The following EYS variants were observed in gnomAD, a reference collection of about 807,000 sequenced individuals.
EYS encodes the protein EGF-like photoreceptor maintenance factor.
A neutral mutation model predicts 282.1 loss-of-function variants in EYS; 250 were observed. That is an observed-to-expected ratio of 0.89 (90% CI 0.80 to 0.98). EYS has a LOEUF of 0.98. EYS is among the 50% of genes least tolerant of loss of function. EYS has a pLI of 0.00. For missense variants in EYS, 4,016 were observed against 3,709.0 expected (o/e 1.08, Z -2.15); for synonymous variants, 1,355 against 1,282.9 (o/e 1.06, Z -1.20).
intron 33 of EYS, among the ~76,000 whole-genome samples, chr6:64,064,718 C>A (rs1042825774): frequency 6.6e-6 from 1 of 152,074 alleles, no homozygotes; most frequent in South Asian, 2.1e-4. Flanking sequence ...AGAAGAAAAT[C>A]ATTTCTCTAA....
chr6:64,254,882 A>C (rs1555226), intron 30 of EYS, among the ~76,000 whole-genome samples: 104,452 of 151,892 alleles, frequency 0.69, 35,938 homozygotes, highest in South Asian at 0.71. Flanking sequence ...ATGAAATTAC[A>C]TATAGAAGCA....
intron 36 of EYS, among the ~76,000 whole-genome samples, chr6:63,847,325 T>G (rs1366664831): frequency 1.3e-5 from 2 of 152,204 alleles, no homozygotes; most frequent in African/African-American, 4.8e-5. Flanking sequence ...TAGGTACACA[T>G]GAAGTCAGAA....
intron 1 of EYS, among the ~76,000 whole-genome samples, chr6:65,689,532 A>G (rs993286906): frequency 6.7e-6 from 1 of 150,004 alleles, no homozygotes; most frequent in Non-Finnish European, 1.5e-5. Context: ...AATAAAAAAA[A>G]TTATGTGTAA....
chr6:65,178,600 A>T (rs987816611), intron 12 of EYS, among the ~76,000 whole-genome samples: 1 of 152,038 alleles, frequency 6.6e-6, no homozygotes, highest in Non-Finnish European at 1.5e-5. Context: ...AGACTCCCAC[A>T]CATTAATAGT....
At position 65,158,027 on chromosome 6, in the gene EYS, C is replaced by T. The variant is rs139109266; in HGVS notation, c.2024-100300G>A. Among the ~76,000 whole-genome samples the T allele has an allele frequency of 2.1e-3, 313 of 150,876 alleles. 2 individuals are homozygous for T. The highest frequency in any genetic ancestry group is 6.9e-3 in the African/African-American group (286 of 41,392). ...AAAGTAAATAAATCTTTTGTAATAT[C>T]ATACCAACCTTATAAATTGCTTTAA... On this transcript the variant is annotated intron_variant, in intron 12 of 42. Coordinates refer to ENST00000503581, the MANE Select transcript of EYS (RefSeq NM_001142800.2).
chr6:64,538,008 G>T (rs551592349), intron 26 of EYS, among the ~76,000 whole-genome samples: 3 of 152,258 alleles, frequency 2.0e-5, no homozygotes, highest in East Asian at 3.9e-4. Flanking sequence ...TTTAATAAGT[G>T]TCAGGTCTAT....
intron 18 of EYS, among the ~76,000 whole-genome samples, chr6:64,898,742 T>C (rs1562249085): frequency 6.8e-6 from 1 of 147,604 alleles, no homozygotes; most frequent in African/African-American, 2.5e-5. Flanking sequence ...AAGCTCAAAA[T>C]AAAGGGATGG....
chr6:64,045,184 C>A (rs947825525), intron 33 of EYS, among the ~76,000 whole-genome samples: 2 of 151,990 alleles, frequency 1.3e-5, no homozygotes, highest in Admixed American at 1.3e-4. Flanking sequence ...TGGCTACAGG[C>A]ACTTGCCATC....
intron 12 of EYS, among the ~76,000 whole-genome samples, chr6:65,114,962 T>C (rs1775325839): frequency 6.6e-6 from 1 of 152,030 alleles, no homozygotes; most frequent in African/African-American, 2.4e-5. Flanking sequence ...AAAGTTCATG[T>C]TATCTTTTAC....
intron 33 of EYS, among the ~76,000 whole-genome samples, chr6:64,040,456 T>G: frequency 6.6e-6 from 1 of 152,226 alleles, no homozygotes; most frequent in Admixed American, 6.5e-5. Context: ...TTAAAAACTG[T>G]TCTATGTAAA....
intron 22 of EYS, among the ~76,000 whole-genome samples, chr6:64,760,409 T>C (rs1773118766): frequency 6.6e-6 from 1 of 152,122 alleles, no homozygotes; most frequent in Non-Finnish European, 1.5e-5. Context: ...GGGTTGGTCA[T>C]CCTGTTGATA....
chr6:63,857,598 G>A (rs1398676910), intron 36 of EYS: 10 of 373,060 alleles, frequency 2.7e-5, no homozygotes, highest in East Asian at 7.6e-5. Flanking sequence ...CATGACCACC[G>A]TGTGATGGGG....
intron 22 of EYS, among the ~76,000 whole-genome samples, chr6:64,632,307 G>A (rs1470186259): frequency 7.2e-5 from 1 of 13,832 alleles, no homozygotes; most frequent in Non-Finnish European, 2.9e-3. Context: ...CTTAAGATAT[G>A]CAAAAAATTA....
rs1055206587 is a variant in EYS at position 65,597,053 on chromosome 6, A to T, written c.-333+42725T>A. On this transcript the variant is annotated intron_variant, in intron 2 of 42. Transcript: ENST00000503581. ...TCAGAAGTTCAAAACATACTAATGC[A>T]TATGAACATTATATTAGAGACCACT... Among the ~76,000 whole-genome samples, 51 of 152,132 alleles carry T rather than the reference A, an allele frequency of 3.4e-4. 1 individual carries two copies. Among genetic ancestry groups the T allele is most frequent in the African/African-American group, 1.0e-3 (43 of 41,452 alleles).
chr6:64,404,319 G>T (rs1773632594), intron 28 of EYS, among the ~76,000 whole-genome samples: 1 of 152,004 alleles, frequency 6.6e-6, no homozygotes, highest in Non-Finnish European at 1.5e-5. Context: ...TTTAATTTCA[G>T]AAACACACAA....
intron 12 of EYS, among the ~76,000 whole-genome samples, chr6:65,170,780 T>C (rs190759260): frequency 4.0e-4 from 61 of 151,636 alleles, no homozygotes; most frequent in African/African-American, 9.2e-4. Context: ...TAGAAATCAA[T>C]GACATCTAAG....
intron 31 of EYS, among the ~76,000 whole-genome samples, chr6:64,190,183 A>G (rs550578754): frequency 1.6e-4 from 25 of 152,316 alleles, no homozygotes; most frequent in African/African-American, 6.0e-4. Flanking sequence ...AGAACCATCT[A>G]GTACAAACAA....
At chr6:64,846,403 T>C (rs1014852920) in intron 19 of EYS, among the ~76,000 whole-genome samples, 5 of 152,058 alleles carry the variant, frequency 3.3e-5, no homozygotes, top group Non-Finnish European at 5.9e-5. Flanking sequence ...ATAATAGAAA[T>C]AAGAGGCAGC....
At chr6:65,298,110 A>G (rs1768717102) in intron 11 of EYS, among the ~76,000 whole-genome samples, 1 of 152,102 alleles carries the variant, frequency 6.6e-6, no homozygotes, top group African/African-American at 2.4e-5. Context: ...ATACGAAGGC[A>G]TATCTTTATA....
Sources: gnomAD v4.1 joint callset for allele counts (sites outside exome capture counted in the v4.1 genomes callset) on GRCh38, gnomAD v4.1.1 for gene constraint, MANE v1.5 for transcripts, NCBI Gene and HGNC (gene_info 2026-07-23, HGNC 2026-07-21) for gene names.